Variants in ACBD6 observed in about 807,000 individuals in gnomAD.
ACBD6 encodes the protein acyl-CoA binding domain containing 6, also known as acyl-CoA-binding domain-containing protein 6.
ACBD6 carries 28 observed loss-of-function variants against 37.2 expected under a neutral mutation model. The observed-to-expected ratio is 0.75, with a 90% CI of 0.56 to 1.03. The LOEUF is 1.03. ACBD6 is among the 50% of genes least tolerant of loss of function. The probability of loss-of-function intolerance (pLI) is 0.00; values close to 1 mark genes in which losing one functional copy is unlikely to be tolerated. For missense variants in ACBD6, 340 were observed against 337.4 expected (o/e 1.01, Z -0.06); for synonymous variants, 113 against 126.8 (o/e 0.89, Z 0.73).
chr1:180,272,769 T>C (rs1480654154), intron 12 of ACBD6: 2 of 152,216 alleles, frequency 1.3e-5, no homozygotes, highest in Non-Finnish European at 2.9e-5. Context: ...TCAAATCGAT[T>C]CACTTCTCTT....
At chr1:180,397,382 A>G (rs1443606804) in intron 6 of ACBD6, 134 bp downstream of exon 6, 5 of 820,078 alleles carry the variant, frequency 6.1e-6, no homozygotes, top group Non-Finnish European at 8.5e-6. Flanking sequence ...TATAGTAGCA[A>G]TGATTACACA....
chr1:180,380,405 A>G (rs1653594254), intron 6 of ACBD6, among the ~76,000 whole-genome samples: 1 of 152,158 alleles, frequency 6.6e-6, no homozygotes. Context: ...ACAGGCCAGG[A>G]GAGAATTGGA....
rs1177555984 is a variant in ACBD6, at chr1:180,477,552, AAT to A, written c.384+14715_384+14716del. 3.3e-5 allele frequency among the ~76,000 whole-genome samples: 5 copies of A among 152,204 alleles called. No individual in the cohort carries two copies. The East Asian group carries it at 9.6e-4, about 29-fold the overall frequency. On this transcript the variant is annotated intron_variant, in intron 3 of 7. Transcript: ENST00000367595. Reference sequence around the variant, plus strand: ...TGTTCCTAGTAACAAAACATGTCATAATAGAGTTTATCATTAGAACGAATTTT... The same window carrying A: ...TGTTCCTAGTAACAAAACATGTCATAAGAGTTTATCATTAGAACGAATTTT...
intron 8 of ACBD6, among the ~76,000 whole-genome samples, chr1:180,282,220 G>C (rs1271232607): frequency 6.6e-6 from 1 of 152,106 alleles, no homozygotes; most frequent in Non-Finnish European, 1.5e-5. Flanking sequence ...TGTAGGAGAG[G>C]CTTTTTTAAA....
rs4593779 is a variant in ACBD6 at position 180,467,590 on chromosome 1, G to T, written c.384+24679C>A. 2.4e-3 allele frequency among the ~76,000 whole-genome samples: 359 copies of T among 151,908 alleles called. 1 individual carries two copies. Among genetic ancestry groups the T allele is most frequent in the Non-Finnish European group, 4.1e-3 (280 of 67,952 alleles). On this transcript the variant is annotated intron_variant, in intron 3 of 7. Coordinates refer to ENST00000367595, the MANE Select transcript of ACBD6 (RefSeq NM_032360.4). ...CACTTAAGCCCAGAAGTTTGAGGCC[G>T]CAGGGAGCTATGATCACGCTACTGC...
chr1:180,408,454 G>A (rs1044925561), intron 5 of ACBD6, among the ~76,000 whole-genome samples: 1 of 152,008 alleles, frequency 6.6e-6, no homozygotes, highest in East Asian at 1.9e-4. Context: ...TCACTCATAG[G>A]TGGGAATTGA....
intron 6 of ACBD6, among the ~76,000 whole-genome samples, chr1:180,372,102 TA>T (rs201411049): frequency 0.017 from 2,534 of 152,248 alleles, 40 homozygotes; most frequent in Non-Finnish European, 0.02. Context: ...ATATACCACA[TA>T]AAAGAACAAC....
At chr1:180,347,656 C>T (rs767107734) in intron 6 of ACBD6, among the ~76,000 whole-genome samples, 2 of 151,990 alleles carry the variant, frequency 1.3e-5, no homozygotes, top group Non-Finnish European at 2.9e-5. Flanking sequence ...CTTAGATGCA[C>T]GACTGATAAG....
intron 3 of ACBD6, among the ~76,000 whole-genome samples, chr1:180,465,018 C>G (rs185523794): frequency 1.5e-3 from 226 of 152,170 alleles, no homozygotes; most frequent in African/African-American, 5.3e-3. Context: ...TTACATCGTA[C>G]ACAAAAATCA....
At chr1:180,289,592 T>C (rs1649622283) in intron 7 of ACBD6, among the ~76,000 whole-genome samples, 1 of 152,222 alleles carries the variant, frequency 6.6e-6, no homozygotes, top group South Asian at 2.1e-4. Flanking sequence ...TACTTCTAGT[T>C]ATATACTTTT....
intron 6 of ACBD6, among the ~76,000 whole-genome samples, chr1:180,332,502 T>G (rs1651523853): frequency 6.6e-6 from 1 of 152,102 alleles, no homozygotes; most frequent in African/African-American, 2.4e-5. Context: ...GTGGCAGCAT[T>G]AGATTCTCAC....
chr1:180,491,692 A>C (rs1369922817), intron 3 of ACBD6, among the ~76,000 whole-genome samples: 2 of 152,242 alleles, frequency 1.3e-5, no homozygotes, highest in South Asian at 2.1e-4. Context: ...GATAATCTCA[A>C]GTTAAACTCT....
intron 3 of ACBD6, among the ~76,000 whole-genome samples, chr1:180,433,527 A>C (rs1180769166): frequency 6.6e-6 from 1 of 152,054 alleles, no homozygotes; most frequent in African/African-American, 2.4e-5. Flanking sequence ...GATGGTATCC[A>C]AGCCACAGCG....
intron 7 of ACBD6, among the ~76,000 whole-genome samples, chr1:180,301,127 T>C (rs1650112733): frequency 6.6e-6 from 1 of 152,182 alleles, no homozygotes; most frequent in Non-Finnish European, 1.5e-5. Flanking sequence ...AAAGGCTAAA[T>C]GAGATTTTAC....
At chr1:180,447,276 CT>C (rs201071395) in intron 3 of ACBD6, among the ~76,000 whole-genome samples, 121 of 151,068 alleles carry the variant, frequency 8.0e-4, no homozygotes, top group African/African-American at 2.6e-3. Context: ...CTGAAGAACA[CT>C]TTTTTTTTAA....
intron 6 of ACBD6, among the ~76,000 whole-genome samples, chr1:180,349,506 C>T (rs994785960): frequency 1.3e-5 from 2 of 151,862 alleles, no homozygotes; most frequent in South Asian, 2.1e-4. Context: ...CCGCCTGCCT[C>T]GGCCTCCCAA....
intron 6 of ACBD6, among the ~76,000 whole-genome samples, chr1:180,336,514 T>C (rs1161185733): frequency 6.7e-6 from 1 of 149,754 alleles, no homozygotes; most frequent in East Asian, 2.0e-4. Context: ...TTCAAAGCAG[T>C]GTGTAGAGGG....
intron 13 of ACBD6, chr1:180,272,066 T>C: frequency 3.4e-6 from 5 of 1,488,018 alleles, no homozygotes; most frequent in Non-Finnish European, 4.6e-6. Context: ...GAATCTGTAA[T>C]CCCTGGCACT....
intron 3 of ACBD6, among the ~76,000 whole-genome samples, chr1:180,461,067 A>G (rs1291299509): frequency 6.6e-6 from 1 of 152,236 alleles, no homozygotes; most frequent in Admixed American, 6.5e-5. Context: ...CCAACCTGAT[A>G]CAGCTGAAAA....
Sources: gnomAD v4.1 joint callset for allele counts (sites outside exome capture counted in the v4.1 genomes callset) on GRCh38, gnomAD v4.1.1 for gene constraint, MANE v1.5 for transcripts, NCBI Gene and HGNC (gene_info 2026-07-23, HGNC 2026-07-21) for gene names.